TNNI3K: variants seen among roughly 807,000 people sequenced by gnomAD.
TNNI3K encodes the protein TNNI3 interacting kinase.
TNNI3K carries 140 observed loss-of-function variants against 114.5 expected under a neutral mutation model. The ratio of observed to expected loss-of-function variants is 1.22; its 90% CI spans 1.07 to 1.41. TNNI3K has a LOEUF of 1.41. Ranked by LOEUF, TNNI3K falls within the 40% of genes most tolerant of loss-of-function variation. The pLI, the probability that TNNI3K is intolerant of heterozygous loss-of-function variation, is 0.00. For missense variants in TNNI3K, 1,125 were observed against 1,007.6 expected (o/e 1.12, Z -1.58); for synonymous variants, 347 against 347.5 (o/e 1.00, Z 0.02).
In TNNI3K at chr1:74,264,806, T is replaced by G. The variant is rs1655871726; in HGVS notation, c.334-6792T>G. 2.0e-5 allele frequency among the ~76,000 whole-genome samples: 3 copies of G among 152,054 alleles called. No homozygotes were observed. In the South Asian group the frequency reaches 6.2e-4, roughly 32 times the overall value. ...GGACTAAATCATAAGGTGAATATTC[T>G]CATAGAAGTAGGCCAATCTTGGGGG... is the stretch of plus-strand genomic sequence containing the variant. On this transcript the variant is annotated intron_variant, in intron 4 of 24. Coordinates refer to ENST00000326637, the MANE Select transcript of TNNI3K (RefSeq NM_015978.3).
chr1:74,473,365 A>G (rs886186066), intron 21 of TNNI3K, among the ~76,000 whole-genome samples: 2 of 152,074 alleles, frequency 1.3e-5, no homozygotes, highest in African/African-American at 4.8e-5. Context: ...TCTTAACCAC[A>G]ATGCATCTAA....
intron 5 of TNNI3K, among the ~76,000 whole-genome samples, chr1:74,300,156 C>T (rs1405573043): frequency 2.8e-4 from 42 of 152,134 alleles, no homozygotes; most frequent in Non-Finnish European, 1.6e-4. Context: ...CTAAGCAACA[C>T]ACTGGACATT....
At chr1:74,405,651 A>G (rs1025185224) in intron 17 of TNNI3K, among the ~76,000 whole-genome samples, 2 of 152,194 alleles carry the variant, frequency 1.3e-5, no homozygotes, top group African/African-American at 2.4e-5. Flanking sequence ...TCAGGAGGAA[A>G]GATTAAAGAG....
At chr1:74,314,850 A>G (rs1197968954) in intron 5 of TNNI3K, among the ~76,000 whole-genome samples, 2 of 152,184 alleles carry the variant, frequency 1.3e-5, no homozygotes, top group Non-Finnish European at 2.9e-5. Flanking sequence ...TATAGTTTAC[A>G]TTTTGCTAGA....
chr1:74,458,223 G>A (rs1667307784), intron 20 of TNNI3K, among the ~76,000 whole-genome samples: 1 of 152,100 alleles, frequency 6.6e-6, no homozygotes, highest in South Asian at 2.1e-4. Context: ...ATGCTAGTAA[G>A]AGGGCAGTCA....
At chr1:74,504,885 C>T (rs1306695895) in intron 23 of TNNI3K, among the ~76,000 whole-genome samples, 2 of 152,154 alleles carry the variant, frequency 1.3e-5, no homozygotes, top group Admixed American at 6.5e-5. Context: ...CCTCTTCAAG[C>T]GTTTTGTAAT....
chr1:74,263,132 G>A (rs1655777016), intron 4 of TNNI3K, among the ~76,000 whole-genome samples: 1 of 152,054 alleles, frequency 6.6e-6, no homozygotes, highest in African/African-American at 2.4e-5. Flanking sequence ...TATGCCCCAT[G>A]TAAAGGGAAT....
At chr1:74,491,926 G>A (rs533975223) in intron 22 of TNNI3K, among the ~76,000 whole-genome samples, 171 bp from the exon 23 acceptor site, 6 of 152,292 alleles carry the variant, frequency 3.9e-5, no homozygotes, top group Admixed American at 1.3e-4. Context: ...ATTAAGCTAG[G>A]CAGATGTTGC....
At chr1:74,537,300 A>G (rs1343414287) in intron 23 of TNNI3K, among the ~76,000 whole-genome samples, 3 of 152,196 alleles carry the variant, frequency 2.0e-5, no homozygotes, top group Non-Finnish European at 4.4e-5. Flanking sequence ...GGGAAATTGT[A>G]TTTTGAAAAA....
intron 5 of TNNI3K, among the ~76,000 whole-genome samples, chr1:74,304,418 T>G (rs556978781): frequency 6.6e-6 from 1 of 152,212 alleles, no homozygotes; most frequent in East Asian, 1.9e-4. Context: ...CATTTTTAAA[T>G]TTTTTAGCAA....
intron 23 of TNNI3K, among the ~76,000 whole-genome samples, chr1:74,523,928 C>G (rs1646467872): frequency 6.6e-6 from 1 of 152,130 alleles, no homozygotes; most frequent in Non-Finnish European, 1.5e-5. Context: ...TCCCCTTTCC[C>G]CCCACCCCCG....
chr1:74,430,247 T>C (rs188606041), intron 17 of TNNI3K, among the ~76,000 whole-genome samples: 1 of 152,068 alleles, frequency 6.6e-6, no homozygotes, highest in African/African-American at 2.4e-5. Flanking sequence ...ACCAACTGAT[T>C]ATGAATCATT....
chr1:74,324,086 A>G (rs555639485), intron 5 of TNNI3K, among the ~76,000 whole-genome samples: 7 of 152,246 alleles, frequency 4.6e-5, no homozygotes, highest in Non-Finnish European at 1.0e-4. Flanking sequence ...TCACAAGAGG[A>G]CTATAAATAT....
chr1:74,319,407 A>G (rs544706980), intron 5 of TNNI3K, among the ~76,000 whole-genome samples: 2 of 152,302 alleles, frequency 1.3e-5, no homozygotes, highest in South Asian at 2.1e-4. Flanking sequence ...AATTATGTCA[A>G]CCCCAAACTC....
chr1:74,296,546 A>T (rs1299391022), intron 5 of TNNI3K, among the ~76,000 whole-genome samples: 1 of 151,860 alleles, frequency 6.6e-6, no homozygotes. Flanking sequence ...TTCTCTCTGG[A>T]GTCATGTTGT....
At chr1:74,279,809 CCTTT>C (rs571318588) in intron 5 of TNNI3K, among the ~76,000 whole-genome samples, 149 of 152,196 alleles carry the variant, frequency 9.8e-4, no homozygotes, top group African/African-American at 3.5e-3. Context: ...TCTCTCTTTT[CCTTT>C]CTAAGATATA....
intron 17 of TNNI3K, among the ~76,000 whole-genome samples, chr1:74,433,604 T>G (rs1557562730): frequency 6.6e-6 from 1 of 152,142 alleles, no homozygotes; most frequent in Non-Finnish European, 1.5e-5. Context: ...AGCATCCTTT[T>G]GACATTTAGA....
chr1:74,246,213 G>A (rs1654540882), intron 2 of TNNI3K, among the ~76,000 whole-genome samples: 1 of 152,184 alleles, frequency 6.6e-6, no homozygotes, highest in African/African-American at 2.4e-5. Context: ...GAAATGTGTG[G>A]TCTTTGGCCC....
chr1:74,510,529 A>G (rs1487758293), intron 23 of TNNI3K, among the ~76,000 whole-genome samples: 1 of 152,122 alleles, frequency 6.6e-6, no homozygotes, highest in Non-Finnish European at 1.5e-5. Context: ...AAATGAGAAA[A>G]AAATTATTGA....
Sources: allele counts gnomAD v4.1 joint callset (sites outside exome capture counted in the v4.1 genomes callset), GRCh38; gene constraint gnomAD v4.1.1; transcripts MANE v1.5; gene names NCBI Gene and HGNC (gene_info 2026-07-23, HGNC 2026-07-21).